Variants in GSK3B observed in about 807,000 individuals in gnomAD.
The protein encoded by GSK3B is glycogen synthase kinase 3 beta.
GSK3B carries 15 observed loss-of-function variants against 56.4 expected under a neutral mutation model. That is an observed-to-expected ratio of 0.27 (90% confidence interval 0.18 to 0.41). The LOEUF (loss-of-function observed/expected upper bound fraction) is 0.41, where lower values mean the gene tolerates loss of function less well. Among genes scored for constraint, GSK3B ranks in the 10% least tolerant of loss-of-function variants. The probability of loss-of-function intolerance (pLI) is 1.00; values close to 1 mark genes in which losing one functional copy is unlikely to be tolerated. For missense variants in GSK3B, 300 were observed against 513.4 expected (o/e 0.58, Z 4.02); for synonymous variants, 181 against 188.9 (o/e 0.96, Z 0.34).
At chr3:120,024,091 G>T (rs2057902939) in intron 1 of GSK3B, among the ~76,000 whole-genome samples, 1 of 152,214 alleles carries the variant, frequency 6.6e-6, no homozygotes. Flanking sequence ...CACTTTGGGA[G>T]GCCAAGTGAG....
intron 1 of GSK3B, among the ~76,000 whole-genome samples, chr3:120,037,535 C>T (rs575623205): frequency 1.3e-5 from 2 of 151,948 alleles, no homozygotes; most frequent in East Asian, 1.9e-4. Context: ...GTGTGTAATA[C>T]GTCATATGCA....
At chr3:120,039,181 C>T (rs2058046264) in intron 1 of GSK3B, among the ~76,000 whole-genome samples, 1 of 152,174 alleles carries the variant, frequency 6.6e-6, no homozygotes, top group Non-Finnish European at 1.5e-5. Context: ...AAATCCCAAA[C>T]ACTGACAACA....
At chr3:120,088,485 T>C (rs1200656250) in intron 1 of GSK3B, among the ~76,000 whole-genome samples, 1 of 152,302 alleles carries the variant, frequency 6.6e-6, no homozygotes, top group Admixed American at 6.5e-5. Context: ...CAAAAGCAAT[T>C]TGATTTGTAT....
intron 1 of GSK3B, among the ~76,000 whole-genome samples, chr3:120,084,239 A>G (rs1431175823): frequency 1.3e-5 from 2 of 152,198 alleles, no homozygotes; most frequent in Non-Finnish European, 2.9e-5. Context: ...TAAATAAATA[A>G]TAGTTTTTAA....
chr3:120,079,133 G>C (rs190392534), intron 1 of GSK3B, among the ~76,000 whole-genome samples: 1 of 150,868 alleles, frequency 6.6e-6, no homozygotes, highest in Non-Finnish European at 1.5e-5. Context: ...GTAGAGACAG[G>C]GTTTCACCAT....
chr3:120,025,007 T>C (rs962593090), intron 1 of GSK3B, among the ~76,000 whole-genome samples: 10 of 152,196 alleles, frequency 6.6e-5, no homozygotes, highest in African/African-American at 2.2e-4. Flanking sequence ...ATCTACCTGG[T>C]TATCTAAAGC....
chr3:119,854,720 G>A (rs2055992015), intron 9 of GSK3B, among the ~76,000 whole-genome samples: 1 of 152,212 alleles, frequency 6.6e-6, no homozygotes, highest in Non-Finnish European at 1.5e-5. Flanking sequence ...AGTGTTCATA[G>A]TATTCTCTGA....
Position 120,093,508 on chromosome 3 carries a change from G to C in GSK3B, c.-74C>G. ...CTTTTGTCTTTATGTTGGGGTGTTA[G>C]GTTAACGATAAATGCAGCATTAAGT... On this transcript the variant is annotated 5_prime_UTR_variant, in exon 1 of 11. Transcript: ENST00000264235. 1 of 962,948 alleles carries C rather than the reference G, an allele frequency of 1.0e-6. No homozygotes were observed. The highest frequency in any genetic ancestry group is 1.3e-5 in the South Asian group (1 of 76,462). 59.7% of individuals were successfully genotyped at this position (962,948 alleles called of 1,614,324 possible).
intron 2 of GSK3B, among the ~76,000 whole-genome samples, chr3:119,954,312 AC>A (rs200333312): frequency 0.011 from 1,470 of 128,580 alleles, 28 homozygotes; most frequent in Non-Finnish European, 0.017. Context: ...TAGAAAAGAA[AC>A]AGAACAGAAC....
intron 1 of GSK3B, among the ~76,000 whole-genome samples, chr3:120,006,938 A>G (rs920270654): frequency 3.3e-5 from 5 of 151,874 alleles, no homozygotes; most frequent in African/African-American, 1.2e-4. Flanking sequence ...AGAGATAGAG[A>G]CAGAAAAAAA....
At chr3:119,835,483 A>G (rs143632669) in intron 10 of GSK3B, among the ~76,000 whole-genome samples, 232 of 152,334 alleles carry the variant, frequency 1.5e-3, no homozygotes, top group Middle Eastern at 3.4e-3. Flanking sequence ...GTTGAATACT[A>G]CAGTCTATAC....
chr3:119,951,584 C>G (rs914853095), intron 2 of GSK3B, among the ~76,000 whole-genome samples: 1 of 151,848 alleles, frequency 6.6e-6, no homozygotes, highest in African/African-American at 2.4e-5. Context: ...AAATTCAGAA[C>G]CTAGCATTGC....
At position 119,863,526 on chromosome 3, in the gene GSK3B, G is replaced by A; in HGVS notation, c.989C>T (p.Thr330Ile). 6.2e-7 allele frequency: 1 copy of A among 1,613,404 alleles called. No homozygotes were observed. The change falls in exon 9 of 11, where the codon ACA becomes ATA. Residue 330 changes from threonine to isoleucine, a missense_variant. Transcript: ENST00000264235. ...TGAATGTGCACAAGCTTCCAGTGGT[G>A]TTAGTCGGGCAGTTGGTGTATACTC... ...LLEYTPTARLTPLEACAHSFF... is the reference protein window; with the variant it reads ...LLEYTPTARLIPLEACAHSFF...
intron 2 of GSK3B, among the ~76,000 whole-genome samples, chr3:119,980,416 A>C (rs1327717193): frequency 2.6e-5 from 4 of 152,078 alleles, no homozygotes; most frequent in Non-Finnish European, 4.4e-5. Flanking sequence ...ACAATAGCAC[A>C]ATCTCAGCTC....
At chr3:120,088,849 CTG>C (rs1032642456) in intron 1 of GSK3B, among the ~76,000 whole-genome samples, 1 of 152,192 alleles carries the variant, frequency 6.6e-6, no homozygotes, top group African/African-American at 2.4e-5. Flanking sequence ...ATCTCACATC[CTG>C]TCTGTCATCT....
chr3:120,062,339 A>T (rs914668231), intron 1 of GSK3B, among the ~76,000 whole-genome samples: 2 of 152,236 alleles, frequency 1.3e-5, no homozygotes, highest in African/African-American at 4.8e-5. Context: ...TGCTTCAAAA[A>T]TATACAGCAA....
At position 119,930,080 on chromosome 3, in the gene GSK3B, TACACACACACACACAC is replaced by T. The variant is rs71619762; in HGVS notation, c.367-6613_367-6598del. On this transcript the variant is annotated intron_variant, in intron 3 of 10. Coordinates refer to ENST00000264235, the MANE Select transcript of GSK3B (RefSeq NM_001146156.2). ...GACGACACAGTGAGATTCTGTCTCC[TACACACACACACACAC>T]ACACACACACACACACACACACACA... 1.0e-3 allele frequency among the ~76,000 whole-genome samples: 135 copies of T among 133,592 alleles called. 1 individual carries two copies. Among genetic ancestry groups the T allele is most frequent in the African/African-American group, 2.6e-3 (90 of 34,518 alleles). 87.6% of individuals were successfully genotyped at this position (133,592 alleles called of 152,430 possible).
chr3:119,954,616 A>G (rs545650444), intron 2 of GSK3B, among the ~76,000 whole-genome samples: 2 of 152,314 alleles, frequency 1.3e-5, no homozygotes, highest in South Asian at 4.1e-4. Flanking sequence ...CAAAATGACT[A>G]CCCAAGATGG....
chr3:119,837,699 A>G (rs2055712324), intron 10 of GSK3B, among the ~76,000 whole-genome samples: 1 of 151,792 alleles, frequency 6.6e-6, no homozygotes, highest in South Asian at 2.1e-4. Flanking sequence ...AATTCCCTAC[A>G]ACATCTCACA....
Sources: gnomAD v4.1 joint callset for allele counts (sites outside exome capture counted in the v4.1 genomes callset) on GRCh38, gnomAD v4.1.1 for gene constraint, MANE v1.5 for transcripts, NCBI Gene and HGNC (gene_info 2026-07-23, HGNC 2026-07-21) for gene names.